The following SNX29 variants were observed in gnomAD, a reference collection of about 807,000 sequenced individuals.
SNX29 encodes the protein sorting nexin-29.
SNX29 carries 78 observed loss-of-function variants against 102.1 expected under a neutral mutation model. The observed-to-expected ratio is 0.76, with a 90% confidence interval of 0.64 to 0.92. The LOEUF is 0.92. SNX29 is among the 40% of genes least tolerant of loss of function. The pLI is 0.00. For synonymous variants in SNX29, 580 were observed against 414.5 expected (o/e 1.40, Z -4.85); for missense variants, 1,280 against 1,061.7 (o/e 1.21, Z -2.86).
intron 20 of SNX29, among the ~76,000 whole-genome samples, chr16:12,561,923 C>T (rs144998163): frequency 5.9e-5 from 9 of 152,254 alleles, no homozygotes; most frequent in East Asian, 1.9e-4. Context: ...AGTTGCCTTC[C>T]AGGTGAGCTT....
chr16:12,332,323 G>T (rs2151217807), intron 15 of SNX29, among the ~76,000 whole-genome samples: 1 of 152,290 alleles, frequency 6.6e-6, no homozygotes, highest in Admixed American at 6.5e-5. Flanking sequence ...GGTTGCATCT[G>T]GCTTTCCCCT....
chr16:12,555,529 T>G (rs191342070), intron 20 of SNX29, among the ~76,000 whole-genome samples: 1 of 151,352 alleles, frequency 6.6e-6, no homozygotes, highest in African/African-American at 2.4e-5. Flanking sequence ...GCGCCCCTGC[T>G]CTCTGGGAGG....
chr16:12,343,905 C>G (rs2081693448), intron 15 of SNX29, among the ~76,000 whole-genome samples: 1 of 152,228 alleles, frequency 6.6e-6, no homozygotes, highest in South Asian at 2.1e-4. Flanking sequence ...TGTGGTTTAG[C>G]TGTGTCCCCA....
chr16:12,502,950 T>C (rs1003325325), intron 19 of SNX29, among the ~76,000 whole-genome samples: 2 of 152,244 alleles, frequency 1.3e-5, no homozygotes, highest in African/African-American at 4.8e-5. Flanking sequence ...GCACTCACGT[T>C]GCTGCATGGC....
At chr16:12,018,717 G>T (rs1003095421) in intron 3 of SNX29, among the ~76,000 whole-genome samples, 22 of 151,132 alleles carry the variant, frequency 1.5e-4, no homozygotes, top group African/African-American at 5.1e-4. Flanking sequence ...AAATTTGTGG[G>T]GTATATTATC....
At chr16:12,549,890 G>C (rs556443480) in intron 20 of SNX29, among the ~76,000 whole-genome samples, 3 of 152,262 alleles carry the variant, frequency 2.0e-5, no homozygotes, top group Non-Finnish European at 4.4e-5. Flanking sequence ...CTAGAACAGA[G>C]ATCAGAAAAT....
At chr16:12,078,662 A>G (rs140239202) in intron 10 of SNX29, among the ~76,000 whole-genome samples, 171 bp from the exon 11 acceptor site, 1 of 152,336 alleles carries the variant, frequency 6.6e-6, no homozygotes, top group African/African-American at 2.4e-5. Flanking sequence ...GCGTAGATGA[A>G]TTTCCAAATA....
At chr16:12,484,383 T>TC (rs2088124275) in intron 19 of SNX29, among the ~76,000 whole-genome samples, 1 of 152,176 alleles carries the variant, frequency 6.6e-6, no homozygotes, top group African/African-American at 2.4e-5. Flanking sequence ...CTGGCCTTTT[T>TC]CTCTTTTGCC....
chr16:12,186,874 A>G (rs2076523566), intron 13 of SNX29, among the ~76,000 whole-genome samples: 2 of 152,360 alleles, frequency 1.3e-5, no homozygotes, highest in South Asian at 4.1e-4. Context: ...AAGAGACACT[A>G]TAGCAAGTAG....
intron 13 of SNX29, among the ~76,000 whole-genome samples, chr16:12,175,518 G>A (rs1168774990): frequency 6.6e-6 from 1 of 152,036 alleles, no homozygotes; most frequent in Non-Finnish European, 1.5e-5. Context: ...AGGGATGGTG[G>A]TACACACCTG....
chr16:12,257,693 T>A (rs1162305021), intron 14 of SNX29, among the ~76,000 whole-genome samples: 330 of 30,010 alleles, frequency 0.011, no homozygotes, highest in African/African-American at 0.045. Context: ...ATTTAAAATT[T>A]TTTTTTTTTT....
Position 12,513,918 on chromosome 16 carries a change from C to A in SNX29, c.2179-10784C>A, listed in dbSNP as rs560243938. Among the ~76,000 whole-genome samples, 6 of 152,294 alleles carry A rather than the reference C, an allele frequency of 3.9e-5. No homozygotes were observed. In the South Asian group the frequency reaches 1.2e-3, roughly 32 times the overall value. On this transcript the variant is annotated intron_variant, in intron 19 of 20. Coordinates refer to ENST00000566228, the MANE Select transcript of SNX29 (RefSeq NM_032167.5). ...AAGTGGCAATAACAGGAATTGCTCT[C>A]GTCAGCTTCCCAATTAGCAACCGCA... is the stretch of plus-strand genomic sequence containing the variant.
chr16:12,528,847 C>T (rs973702605), intron 20 of SNX29, among the ~76,000 whole-genome samples: 1 of 152,122 alleles, frequency 6.6e-6, no homozygotes, highest in African/African-American at 2.4e-5. Context: ...AATGGTGGTC[C>T]CATTCTGGTT....
At chr16:12,161,990 G>A (rs1458186549) in intron 13 of SNX29, among the ~76,000 whole-genome samples, 3 of 152,052 alleles carry the variant, frequency 2.0e-5, no homozygotes, top group Admixed American at 6.6e-5. Context: ...ACAATTGTCG[G>A]CCCCCGAATC....
chr16:12,551,694 C>T (rs368048512), intron 20 of SNX29, among the ~76,000 whole-genome samples: 2 of 152,328 alleles, frequency 1.3e-5, no homozygotes, highest in African/African-American at 4.8e-5. Context: ...TACCACCCTC[C>T]TTTCAGGTGG....
At chr16:12,544,409 T>C (rs545962104) in intron 20 of SNX29, among the ~76,000 whole-genome samples, 1 of 152,210 alleles carries the variant, frequency 6.6e-6, no homozygotes, top group African/African-American at 2.4e-5. Context: ...GCTAAAACAT[T>C]ATGTCAGCTG....
At chr16:12,008,269 A>T (rs1280592361) in intron 3 of SNX29, among the ~76,000 whole-genome samples, 1 of 142,350 alleles carries the variant, frequency 7.0e-6, no homozygotes, top group Non-Finnish European at 1.5e-5. Flanking sequence ...TTTCAAGGAA[A>T]TTTTTTTTTC....
chr16:12,401,650 CCCTGCACCCAG>C (rs2083949198), intron 17 of SNX29, among the ~76,000 whole-genome samples: 1 of 152,048 alleles, frequency 6.6e-6, no homozygotes, highest in Non-Finnish European at 1.5e-5. Flanking sequence ...AGGTGTGAGC[CCCTGCACCCAG>C]CCCACAACAG....
chr16:12,462,390 T>C (rs370533523), intron 18 of SNX29, among the ~76,000 whole-genome samples: 9 of 152,160 alleles, frequency 5.9e-5, no homozygotes, highest in African/African-American at 2.2e-4. Context: ...AGGTGTGTTG[T>C]CTTCACAGTG....
Sources: gnomAD v4.1 joint callset for allele counts (sites outside exome capture counted in the v4.1 genomes callset) on GRCh38, gnomAD v4.1.1 for gene constraint, MANE v1.5 for transcripts, NCBI Gene and HGNC (gene_info 2026-07-23, HGNC 2026-07-21) for gene names.